EYS: variants seen among roughly 807,000 people sequenced by gnomAD.
EYS encodes protein eyes shut homolog.
In EYS, 250 loss-of-function variants were observed where a neutral mutation model predicts 282.1. The observed-to-expected ratio is 0.89, with a 90% CI of 0.80 to 0.98. EYS has a LOEUF of 0.98. Ranked by LOEUF, EYS falls within the 50% of genes least tolerant of loss-of-function variation. EYS has a pLI of 0.00. For synonymous variants in EYS, 1,355 were observed against 1,282.9 expected (o/e 1.06, Z -1.20); for missense variants, 4,016 against 3,709.0 (o/e 1.08, Z -2.15).
chr6:64,750,758 G>A (rs1772720583), intron 22 of EYS, among the ~76,000 whole-genome samples: 1 of 152,186 alleles, frequency 6.6e-6, no homozygotes, highest in African/African-American at 2.4e-5. Flanking sequence ...CACTGTGAGA[G>A]TATATAGAAG....
chr6:65,114,587 T>A (rs1334100989), intron 12 of EYS, among the ~76,000 whole-genome samples: 1 of 151,910 alleles, frequency 6.6e-6, no homozygotes, highest in East Asian at 1.9e-4. Flanking sequence ...AAAAATCTAT[T>A]CTATTTTTCT....
chr6:64,331,004 C>G (rs544802187), intron 29 of EYS, among the ~76,000 whole-genome samples: 1 of 152,150 alleles, frequency 6.6e-6, no homozygotes, highest in African/African-American at 2.4e-5. Context: ...ATGTTGAATA[C>G]TTTACTGATG....
rs549570143 is a variant in EYS, at chr6:65,509,206, A to T, written c.-332-13213T>A. On this transcript the variant is annotated intron_variant, in intron 2 of 42. Transcript: ENST00000503581. ...GAAGCAGAGCCTCTGCAGGAGGTACAGACTGACAGCTCATAACAGATTCTC... is the reference window on the plus strand; with the variant it reads ...GAAGCAGAGCCTCTGCAGGAGGTACTGACTGACAGCTCATAACAGATTCTC... Among the ~76,000 whole-genome samples, 12 of 152,342 alleles carry T rather than the reference A, an allele frequency of 7.9e-5. 1 individual carries two copies. The highest frequency in any genetic ancestry group is 2.9e-4 in the African/African-American group (12 of 41,586).
chr6:65,129,159 A>T (rs1203308154), intron 12 of EYS, among the ~76,000 whole-genome samples: 1 of 152,032 alleles, frequency 6.6e-6, no homozygotes, highest in African/African-American at 2.4e-5. Flanking sequence ...ATATACAAAT[A>T]TCAATTAAAG....
At chr6:63,912,663 T>C (rs1186696330) in intron 35 of EYS, among the ~76,000 whole-genome samples, 20 of 152,020 alleles carry the variant, frequency 1.3e-4, no homozygotes, top group Admixed American at 1.3e-3. Context: ...GTGGAGGTGG[T>C]TGGATTATGG....
chr6:65,256,182 T>A (rs1767456063), intron 12 of EYS, among the ~76,000 whole-genome samples: 1 of 151,788 alleles, frequency 6.6e-6, no homozygotes, highest in African/African-American at 2.4e-5. Flanking sequence ...AAGAATGCGG[T>A]CCTATCATTG....
chr6:64,029,285 A>T (rs1769698520), intron 33 of EYS, among the ~76,000 whole-genome samples: 1 of 152,136 alleles, frequency 6.6e-6, no homozygotes, highest in Non-Finnish European at 1.5e-5. Flanking sequence ...TGGCATACCT[A>T]AGTAAGGAAA....
chr6:64,170,198 T>C (rs536036180), intron 31 of EYS, among the ~76,000 whole-genome samples: 1 of 152,292 alleles, frequency 6.6e-6, no homozygotes, highest in Non-Finnish European at 1.5e-5. Context: ...TTGCTGCCTT[T>C]TTATATAGTT....
intron 28 of EYS, among the ~76,000 whole-genome samples, chr6:64,411,925 G>GCATA (rs1360873222): frequency 3.4e-5 from 4 of 117,318 alleles, no homozygotes; most frequent in Admixed American, 8.5e-5. Flanking sequence ...ATGCATGCAT[G>GCATA]TATGTATATA....
intron 5 of EYS, among the ~76,000 whole-genome samples, chr6:65,472,399 T>G (rs923772164): frequency 6.6e-6 from 1 of 151,648 alleles, no homozygotes; most frequent in African/African-American, 2.4e-5. Context: ...ATATTTTCAA[T>G]ATCTACACTA....
chr6:65,245,663 G>T (rs62408666), intron 12 of EYS, among the ~76,000 whole-genome samples: 1 of 151,584 alleles, frequency 6.6e-6, no homozygotes, highest in South Asian at 2.1e-4. Context: ...CTAGTGTTCA[G>T]TTTAATCTAA....
intron 13 of EYS, among the ~76,000 whole-genome samples, chr6:65,036,769 A>C (rs576305308): frequency 6.6e-6 from 1 of 152,174 alleles, no homozygotes; most frequent in South Asian, 2.1e-4. Flanking sequence ...ATACCATCTC[A>C]TACCCACTCA....
At chr6:65,018,884 GC>G (rs1378377367) in intron 13 of EYS, among the ~76,000 whole-genome samples, 2 of 152,028 alleles carry the variant, frequency 1.3e-5, no homozygotes. Flanking sequence ...GCTAGATTGT[GC>G]TTTTTGCAAT....
intron 2 of EYS, among the ~76,000 whole-genome samples, chr6:65,519,709 T>TATATATATATATATA (rs1554205853): frequency 8.3e-4 from 28 of 33,932 alleles, no homozygotes; most frequent in South Asian, 1.8e-3. Context: ...TATATATATA[T>TATATATATATATATA]TTTTTTTTTT....
At chr6:64,888,849 G>C (rs999401051) in intron 18 of EYS, among the ~76,000 whole-genome samples, 5 of 151,942 alleles carry the variant, frequency 3.3e-5, no homozygotes, top group African/African-American at 1.2e-4. Context: ...AGGAATCACA[G>C]AATAGAGAGA....
intron 29 of EYS, among the ~76,000 whole-genome samples, chr6:64,359,686 A>T (rs1421303731): frequency 1.3e-5 from 2 of 151,682 alleles, no homozygotes; most frequent in Non-Finnish European, 3.0e-5. Context: ...CCTGGCTTGC[A>T]GATGGCCTCT....
chr6:64,207,879 G>A lies in EYS; in HGVS notation c.6424+22713C>T, dbSNP rs541888899. ...TCACCATATTGGCCAGGCTGGTCTC[G>A]AACTCCTGACCTCATGTGATCTGCT... On this transcript the variant is annotated intron_variant, in intron 31 of 42. Coordinates refer to ENST00000503581, the MANE Select transcript of EYS (RefSeq NM_001142800.2). Among the ~76,000 whole-genome samples the A allele has an allele frequency of 3.9e-5, 6 of 152,118 alleles. No homozygotes were observed. The South Asian group carries it at 6.2e-4, about 16-fold the overall frequency.
intron 41 of EYS, among the ~76,000 whole-genome samples, chr6:63,761,551 A>AT (rs563454151): frequency 1.3e-5 from 2 of 152,036 alleles, no homozygotes; most frequent in African/African-American, 4.8e-5. Context: ...TAGAAATATT[A>AT]TTTTTTTCTT....
At chr6:64,576,476 A>T (rs1459194885) in intron 26 of EYS, among the ~76,000 whole-genome samples, 2 of 152,058 alleles carry the variant, frequency 1.3e-5, no homozygotes, top group African/African-American at 4.8e-5. Flanking sequence ...ACATCTGTCC[A>T]GGGCCAGAGG....
Sources: allele counts gnomAD v4.1 joint callset (sites outside exome capture counted in the v4.1 genomes callset), GRCh38; gene constraint gnomAD v4.1.1; transcripts MANE v1.5; gene names NCBI Gene and HGNC (gene_info 2026-07-23, HGNC 2026-07-21).